Variants in PPP4R3A observed in about 807,000 individuals in gnomAD.
PPP4R3A encodes serine/threonine-protein phosphatase 4 regulatory subunit 3A.
In PPP4R3A, 15 loss-of-function variants were observed where a neutral mutation model predicts 91.7. The ratio of observed to expected loss-of-function variants is 0.16; its 90% CI spans 0.11 to 0.25. PPP4R3A has a LOEUF of 0.25. Among genes scored for constraint, PPP4R3A ranks in the 10% least tolerant of loss-of-function variants. The pLI, the probability that PPP4R3A is intolerant of heterozygous loss-of-function variation, is 1.00. For missense variants in PPP4R3A, 623 were observed against 998.4 expected, an observed-to-expected ratio of 0.62 and a Z score of 5.07; for synonymous variants, 377 against 348.7, an observed-to-expected ratio of 1.08 and a Z score of -0.91.
intron 4 of PPP4R3A, among the ~76,000 whole-genome samples, 162 bp from the exon 5 acceptor site, chr14:91,477,148 T>C (rs1050828075): frequency 1.3e-5 from 2 of 150,842 alleles, no homozygotes; most frequent in Non-Finnish European, 2.9e-5. Context: ...AACCACACTA[T>C]TAAAGTATAA....
chr14:91,464,817 A>G (rs1395240678), intron 11 of PPP4R3A, among the ~76,000 whole-genome samples: 1 of 152,204 alleles, frequency 6.6e-6, no homozygotes, highest in Non-Finnish European at 1.5e-5. Context: ...TGGTTTCATG[A>G]AAGACAATTT....
intron 10 of PPP4R3A, among the ~76,000 whole-genome samples, chr14:91,469,278 T>G (rs535967186): frequency 6.6e-6 from 1 of 152,358 alleles, no homozygotes; most frequent in South Asian, 2.1e-4. Flanking sequence ...GTACATTTTT[T>G]GAATCAATGA....
intron 1 of PPP4R3A, among the ~76,000 whole-genome samples, chr14:91,504,007 C>T (rs937811828): frequency 6.6e-6 from 1 of 151,926 alleles, no homozygotes; most frequent in Non-Finnish European, 1.5e-5. Flanking sequence ...TGGGAAAGAT[C>T]ACTTCACATC....
At chr14:91,466,537 A>T (rs1888477402) in intron 10 of PPP4R3A, 1 of 571,772 alleles carries the variant, frequency 1.7e-6, no homozygotes, top group Non-Finnish European at 2.2e-6. Flanking sequence ...AATGCAACTT[A>T]TTTAAGAGTG....
At chr14:91,471,640 C>T (rs1888840843) in intron 9 of PPP4R3A, among the ~76,000 whole-genome samples, 2 of 152,138 alleles carry the variant, frequency 1.3e-5, no homozygotes, top group South Asian at 4.1e-4. Flanking sequence ...GGAAAGAAGC[C>T]TCAAGCTTTA....
chr14:91,465,143 TTA>T, intron 11 of PPP4R3A, 105 bp downstream of exon 11: 3 of 860,800 alleles, frequency 3.5e-6, no homozygotes, highest in Non-Finnish European at 3.3e-6. Flanking sequence ...TTTTTTTTTT[TTA>T]AATCTCTCCA....
chr14:91,509,737 CCGCGA>C lies in PPP4R3A; in HGVS notation c.-95_-91del. On this transcript the variant is annotated 5_prime_UTR_variant, in exon 1 of 15. Coordinates refer to ENST00000554943, the MANE Select transcript of PPP4R3A (RefSeq NM_001366432.2). ...GGCGAGGGGCGAGGCGTGAGGGCGC[CCGCGA>C]GCGGAGGGCTCCCCGGCCTCACTGC... 7.2e-7 allele frequency: 1 copy of C among 1,391,500 alleles called. No individual in the cohort carries two copies. The allele number at this position is 1,391,500 out of a possible 1,614,324, so 86.2% of individuals were successfully genotyped here. A position where few individuals can be genotyped will look rare whatever the true frequency, so the allele number is the denominator to read the frequency against.
chr14:91,462,881 CAGAAA>C lies in PPP4R3A; in HGVS notation c.1831-9_1831-5del, dbSNP rs777549984. The C allele has an allele frequency of 1.3e-6, 2 of 1,585,946 alleles. No homozygotes were observed. The highest frequency in any genetic ancestry group is 2.2e-5 in the South Asian group (2 of 88,906). On this transcript the variant is annotated splice_polypyrimidine_tract_variant and splice_region_variant and intron_variant, in intron 11 of 14. Coordinates refer to ENST00000554943, the MANE Select transcript of PPP4R3A (RefSeq NM_001366432.2). ...CAGTTAATGATTTTATATCTTCCTA[CAGAAA>C]AGAATAGTAATGAAAAAATGATAGG...
At chr14:91,507,887 C>T (rs927224483) in intron 1 of PPP4R3A, among the ~76,000 whole-genome samples, 11 of 151,838 alleles carry the variant, frequency 7.2e-5, no homozygotes, top group Non-Finnish European at 1.2e-4. Flanking sequence ...TCCGGGAGGC[C>T]GAGGCGGGTG....
At chr14:91,468,699 A>G (rs111970768) in intron 10 of PPP4R3A, among the ~76,000 whole-genome samples, 2,334 of 144,246 alleles carry the variant, frequency 0.016, 51 homozygotes, top group East Asian at 0.043. Flanking sequence ...AGGAAAAAAG[A>G]AAAAAAAGAC....
intron 12 of PPP4R3A, 88 bp from the exon 13 acceptor site, chr14:91,462,327 G>T: frequency 8.2e-7 from 1 of 1,224,554 alleles, no homozygotes; most frequent in South Asian, 2.4e-5. Context: ...TTAACATAGG[G>T]AATTAACATG....
intron 9 of PPP4R3A, 92 bp from the exon 10 acceptor site, chr14:91,471,087 C>A: frequency 3.3e-6 from 4 of 1,216,288 alleles, no homozygotes; most frequent in Non-Finnish European, 4.5e-6. Flanking sequence ...AGTAAAATCT[C>A]TTCTATTAAC....
intron 1 of PPP4R3A, among the ~76,000 whole-genome samples, chr14:91,496,754 A>G (rs1035984186): frequency 5.3e-5 from 8 of 152,196 alleles, no homozygotes; most frequent in African/African-American, 1.9e-4. Flanking sequence ...ATTCCCAAAG[A>G]GATAAGTAGG....
At chr14:91,461,039 G>C (rs376633174) in intron 14 of PPP4R3A, among the ~76,000 whole-genome samples, 5 of 152,256 alleles carry the variant, frequency 3.3e-5, no homozygotes, top group Admixed American at 1.3e-4. Flanking sequence ...CCCCACAAAG[G>C]CTTTATCTGG....
chr14:91,489,947 AAAC>A (rs1193105511), intron 2 of PPP4R3A, among the ~76,000 whole-genome samples: 1 of 152,264 alleles, frequency 6.6e-6, no homozygotes, highest in Non-Finnish European at 1.5e-5. Flanking sequence ...GGAAAAATAA[AAAC>A]AATACTAACT....
At chr14:91,460,136 T>A (rs935989841) in intron 14 of PPP4R3A, among the ~76,000 whole-genome samples, 3 of 151,890 alleles carry the variant, frequency 2.0e-5, no homozygotes, top group Non-Finnish European at 4.4e-5. Flanking sequence ...CTCAGCCTCC[T>A]GAGTAGTTGA....
intron 1 of PPP4R3A, among the ~76,000 whole-genome samples, chr14:91,495,574 G>A (rs964883575): frequency 1.3e-5 from 2 of 152,048 alleles, no homozygotes; most frequent in Admixed American, 1.3e-4. Context: ...ATTTTTTTCA[G>A]AGGAGACAAA....
chr14:91,478,803 A>G (rs1889362718), intron 4 of PPP4R3A, among the ~76,000 whole-genome samples: 1 of 152,244 alleles, frequency 6.6e-6, no homozygotes, highest in Non-Finnish European at 1.5e-5. Flanking sequence ...AGGAACAGAC[A>G]TGATTAAACA....
intron 10 of PPP4R3A, chr14:91,466,157 T>C (rs1888460422): frequency 1.1e-6 from 1 of 871,040 alleles, no homozygotes; most frequent in Middle Eastern, 5.9e-4. Context: ...AAGACACAAA[T>C]ATACTCAGAC....
Sources: allele counts gnomAD v4.1 joint callset (sites outside exome capture counted in the v4.1 genomes callset), GRCh38; gene constraint gnomAD v4.1.1; transcripts MANE v1.5; gene names NCBI Gene and HGNC (gene_info 2026-07-23, HGNC 2026-07-21).